The following SERINC2 variants were observed in gnomAD, a reference collection of about 807,000 sequenced individuals.
The protein encoded by SERINC2 is tumor differentially expressed protein 2.
A neutral mutation model predicts 54.2 loss-of-function variants in SERINC2; 56 were observed. The ratio of observed to expected loss-of-function variants is 1.03; its 90% CI spans 0.83 to 1.29. The LOEUF (loss-of-function observed/expected upper bound fraction) is 1.29. Among genes scored for constraint, SERINC2 ranks in the 50% most tolerant of loss-of-function variants. The pLI is 0.00. For synonymous variants in SERINC2, 272 were observed against 253.1 expected (o/e 1.07, Z -0.71); for missense variants, 614 against 607.4 (o/e 1.01, Z -0.12).
chr1:31,412,339 CT>C (rs1308983334), upstream of SERINC2, among the ~76,000 whole-genome samples: 3 of 152,174 alleles, frequency 2.0e-5, no homozygotes, highest in Admixed American at 6.5e-5. Context: ...TCCCCACCTT[CT>C]GACCTCCTTA....
intron 1 of SERINC2, 40 bp from the exon 2 acceptor site, chr1:31,423,653 G>T: frequency 6.3e-7 from 1 of 1,592,024 alleles, no homozygotes; most frequent in Non-Finnish European, 8.5e-7. Context: ...GCGCTTGGGC[G>T]GTGAAGGGGA....
intron 8 of SERINC2, among the ~76,000 whole-genome samples, chr1:31,432,012 TAGGGTGGACAGGGTGGACAGGGTGGAC>T (rs1557500599): frequency 1.2e-4 from 3 of 25,910 alleles, no homozygotes; most frequent in East Asian, 8.7e-4. Context: ...ATAGGGTGGA[TAGGGTGGACAGGGTGGACAGGGTGGAC>T]AGGGTGGACA....
rs1553135388 is a variant in SERINC2 at position 31,434,287 on chromosome 1, A to G, written c.*88A>G. On this transcript the variant is annotated 3_prime_UTR_variant, in exon 10 of 10. Coordinates refer to ENST00000373709, the MANE Select transcript of SERINC2 (RefSeq NM_178865.5). ...GCCAACCTGCCCCCTCCCCACACCAATCAGCCAGGCTGAGCCCCCACCCCT... is the reference window on the plus strand; with the variant it reads ...GCCAACCTGCCCCCTCCCCACACCAGTCAGCCAGGCTGAGCCCCCACCCCT... 5 of 1,396,538 alleles carry G rather than the reference A, an allele frequency of 3.6e-6. No homozygotes were observed. Among genetic ancestry groups the G allele is most frequent in the Non-Finnish European group, 4.9e-6 (5 of 1,015,468 alleles). 86.5% of individuals were successfully genotyped at this position (1,396,538 alleles called of 1,614,324 possible).
chr1:31,425,594 G>T (rs184080017), intron 4 of SERINC2, among the ~76,000 whole-genome samples, 182 bp from the exon 5 acceptor site: 30 of 152,306 alleles, frequency 2.0e-4, no homozygotes, highest in Non-Finnish European at 2.9e-4. Context: ...GCAACCCAGG[G>T]GTAGGGGGAG....
At chr1:31,410,477 G>A (rs782460501), upstream of SERINC2, 22 of 1,548,582 alleles carry the variant, frequency 1.4e-5, no homozygotes, top group Admixed American at 7.9e-5. Context: ...GAGCCCAGCC[G>A]GCCTTGGTCT....
At chr1:31,410,097 T>G (rs1640623210), upstream of SERINC2, 1 of 1,259,014 alleles carries the variant, frequency 7.9e-7, no homozygotes. Flanking sequence ...GGACATGGTT[T>G]ACATAGCATT....
intron 6 of SERINC2, among the ~76,000 whole-genome samples, chr1:31,427,403 A>G (rs1553133798): frequency 6.6e-6 from 1 of 152,156 alleles, no homozygotes; most frequent in Non-Finnish European, 1.5e-5. Context: ...CGGCAGCTTC[A>G]GGGGGCTTAG....
At chr1:31,410,966 C>T (rs1557484992), upstream of SERINC2, among the ~76,000 whole-genome samples, 2 of 152,144 alleles carry the variant, frequency 1.3e-5, no homozygotes, top group African/African-American at 4.8e-5. Flanking sequence ...GATTTCCGTG[C>T]AGAAGATGAC....
At chr1:31,410,489 G>A (rs1553131350), upstream of SERINC2, 2 of 1,546,824 alleles carry the variant, frequency 1.3e-6, no homozygotes, top group African/African-American at 1.4e-5. Flanking sequence ...CCTTGGTCTT[G>A]GGCAGGCAGG....
chr1:31,413,917 C>G lies in SERINC2; in HGVS notation c.39+613C>G. 6.7e-7 allele frequency: 1 copy of G among 1,497,740 alleles called. No individual in the cohort carries two copies. Among genetic ancestry groups the G allele is most frequent in the East Asian group, 2.7e-5 (1 of 36,590 alleles). 92.8% of individuals were successfully genotyped at this position (1,497,740 alleles called of 1,614,324 possible). On this transcript the variant is annotated intron_variant, in intron 1 of 9. Coordinates refer to ENST00000373709, the MANE Select transcript of SERINC2 (RefSeq NM_178865.5). The surrounding 1 kb of genome is among the most constrained non-coding windows in gnomAD (Gnocchi z 5.0). Reference sequence around the variant, plus strand: ...TCCGCCCGTCCGTCCCTCAGTCTCTCTGCGGTCCCTTTACCGTCCTCAGTC... The same window carrying G: ...TCCGCCCGTCCGTCCCTCAGTCTCTGTGCGGTCCCTTTACCGTCCTCAGTC...
intron 8 of SERINC2, among the ~76,000 whole-genome samples, chr1:31,432,231 G>GGTGGAGAGGGTGGAGAGGGTGGAGAGGGT (rs1641318155): frequency 6.6e-6 from 1 of 151,144 alleles, no homozygotes; most frequent in Non-Finnish European, 1.5e-5. Context: ...GGGTGGATAG[G>GGTGGAGAGGGTGGAGAGGGTGGAGAGGGT]GACCCACTGA....
chr1:31,432,001 G>C (rs1338306171), intron 8 of SERINC2, among the ~76,000 whole-genome samples: 4 of 146,146 alleles, frequency 2.7e-5, no homozygotes, highest in Non-Finnish European at 6.0e-5. Context: ...GGATAGGGTG[G>C]ATAGGGTGGA....
At chr1:31,415,222 C>G (rs1158443595) in intron 1 of SERINC2, among the ~76,000 whole-genome samples, 1 of 152,198 alleles carries the variant, frequency 6.6e-6, no homozygotes, top group Admixed American at 6.5e-5. Context: ...CCTCCCTTCC[C>G]CACATCCTGG....
chr1:31,413,225 C>G lies in SERINC2; in HGVS notation c.-41C>G. On this transcript the variant is annotated 5_prime_UTR_variant, in exon 1 of 10. Transcript: ENST00000373709. The surrounding 1 kb of genome is among the most constrained non-coding windows in gnomAD (Gnocchi z 5.0). ...GCACCCGGATCCCGAGGTCCGCGCC[C>G]CGCGCCCGGCGCCGGGCGCCCGAAG... is the stretch of plus-strand genomic sequence containing the variant. 1 of 1,121,854 alleles carries G rather than the reference C, an allele frequency of 8.9e-7. No individual in the cohort carries two copies. The highest frequency in any genetic ancestry group is 1.1e-6 in the Non-Finnish European group (1 of 920,442). 69.5% of individuals were successfully genotyped at this position (1,121,854 alleles called of 1,614,324 possible).
intron 6 of SERINC2, among the ~76,000 whole-genome samples, 196 bp downstream of exon 6, chr1:31,427,019 C>T (rs1310052060): frequency 6.6e-6 from 1 of 152,108 alleles, no homozygotes; most frequent in Admixed American, 6.5e-5. Context: ...GGTGCCCTAA[C>T]CTCTCTCTGC....
rs782182861 is a variant in SERINC2, at chr1:31,423,780, A to ACGTTCTT, written c.129_135dup (p.Leu46ValfsTer30). On this transcript the variant is annotated frameshift_variant, in exon 2 of 10. Coordinates refer to ENST00000373709, the MANE Select transcript of SERINC2 (RefSeq NM_178865.5). LOFTEE classifies it high-confidence loss of function. ...CTCCACCGTGAGCCGCCTCATCTTC[A>ACGTTCTT]CGTTCTTCCTCTTCCTGGGGGTGCT... is the stretch of plus-strand genomic sequence containing the variant. The ACGTTCTT allele has an allele frequency of 6.2e-7, 1 of 1,613,766 alleles. No individual in the cohort carries two copies. The highest frequency in any genetic ancestry group is 1.3e-5 in the African/African-American group (1 of 74,870).
chr1:31,428,910 G>C, intron 6 of SERINC2, 68 bp from the exon 7 acceptor site: 4 of 1,302,940 alleles, frequency 3.1e-6, no homozygotes, highest in Non-Finnish European at 4.4e-6. Context: ...CTTGGCTGGT[G>C]TGAGTGGGCT....
At position 31,429,473 on chromosome 1, in the gene SERINC2, C is replaced by G; in HGVS notation, c.948C>G (p.Thr316=). 1.2e-6 allele frequency: 2 copies of G among 1,613,848 alleles called. No homozygotes were observed. Among genetic ancestry groups the G allele is most frequent in the Non-Finnish European group, 8.5e-7 (1 of 1,179,904 alleles). ...TGGCAGGCCCCGAGGGCTATGAGACCCAGTGGTGGGATGCCCCGAGCATTG... is the reference window on the plus strand; with the variant it reads ...TGGCAGGCCCCGAGGGCTATGAGACGCAGTGGTGGGATGCCCCGAGCATTG... ...TVVAGPEGYE[T]QWWDAPSIVG... is the part of the protein sequence containing the mutation. The change falls in exon 8 of 10, where the codon ACC becomes ACG. Residue 316 remains threonine, a synonymous_variant. Coordinates refer to ENST00000373709, the MANE Select transcript of SERINC2 (RefSeq NM_178865.5).
chr1:31,414,373 G>A, intron 1 of SERINC2: 4 of 1,235,150 alleles, frequency 3.2e-6, no homozygotes, highest in Non-Finnish European at 4.0e-6. Flanking sequence ...AGAAGGGGCT[G>A]CAGCGGCTGC....
Sources: allele counts gnomAD v4.1 joint callset (sites outside exome capture counted in the v4.1 genomes callset), GRCh38; gene constraint gnomAD v4.1.1; non-coding constraint Gnocchi (gnomAD v3.1); transcripts MANE v1.5; gene names NCBI Gene and HGNC (gene_info 2026-07-23, HGNC 2026-07-21).